PCSK2: variants seen among roughly 807,000 people sequenced by gnomAD.
PCSK2 encodes proprotein convertase subtilisin/kexin type 2, also known as neuroendocrine convertase 2.
PCSK2 carries 14 observed loss-of-function variants against 69.7 expected under a neutral mutation model. That is an observed-to-expected ratio of 0.20 (90% CI 0.13 to 0.31). PCSK2 has a LOEUF of 0.31. Among genes scored for constraint, PCSK2 ranks in the 10% least tolerant of loss-of-function variants. The pLI, the probability that PCSK2 is intolerant of heterozygous loss-of-function variation, is 1.00. For synonymous variants in PCSK2, 307 were observed against 320.7 expected (o/e 0.96, Z 0.46); for missense variants, 544 against 842.5 (o/e 0.65, Z 4.39).
At chr20:17,247,237 A>G (rs564675988) in intron 1 of PCSK2, among the ~76,000 whole-genome samples, 1 of 152,294 alleles carries the variant, frequency 6.6e-6, no homozygotes, top group East Asian at 1.9e-4. Flanking sequence ...CCTGGGCATC[A>G]TGTTCTGCCT....
chr20:17,420,263 T>C (rs1348768832), intron 6 of PCSK2, among the ~76,000 whole-genome samples: 1 of 152,234 alleles, frequency 6.6e-6, no homozygotes, highest in Non-Finnish European at 1.5e-5. Context: ...ACCCTGGTGA[T>C]ACTTAATGGT....
intron 8 of PCSK2, among the ~76,000 whole-genome samples, chr20:17,442,829 T>C (rs1358996352): frequency 1.3e-5 from 2 of 152,198 alleles, no homozygotes; most frequent in Non-Finnish European, 2.9e-5. Context: ...AGCACACCTC[T>C]CGTTAGAGGA....
intron 2 of PCSK2, among the ~76,000 whole-genome samples, chr20:17,352,041 T>G (rs2030005969): frequency 6.6e-6 from 1 of 152,174 alleles, no homozygotes; most frequent in South Asian, 2.1e-4. Flanking sequence ...TCAGTAGCAT[T>G]TCTACACGCC....
At chr20:17,416,195 A>T (rs978286355) in intron 6 of PCSK2, among the ~76,000 whole-genome samples, 3 of 152,232 alleles carry the variant, frequency 2.0e-5, no homozygotes, top group African/African-American at 7.2e-5. Flanking sequence ...TAAACTTAAG[A>T]GCTTCTGCAC....
chr20:17,341,243 T>A (rs1182941327), intron 2 of PCSK2, among the ~76,000 whole-genome samples: 1 of 152,118 alleles, frequency 6.6e-6, no homozygotes, highest in African/African-American at 2.4e-5. Flanking sequence ...GTCTCAAAAA[T>A]AAATAAATAA....
At chr20:17,431,983 G>C (rs898598185) in intron 7 of PCSK2, among the ~76,000 whole-genome samples, 2 of 152,126 alleles carry the variant, frequency 1.3e-5, no homozygotes, top group African/African-American at 4.8e-5. Context: ...CGAGGTGTTC[G>C]TTCGTTACAG....
intron 8 of PCSK2, among the ~76,000 whole-genome samples, chr20:17,451,800 A>T (rs1051635887): frequency 1.3e-5 from 2 of 152,114 alleles, no homozygotes; most frequent in African/African-American, 4.8e-5. Flanking sequence ...CCTTCATTTT[A>T]GCAAACGTTG....
intron 1 of PCSK2, among the ~76,000 whole-genome samples, chr20:17,243,123 A>T (rs1986645015): frequency 6.6e-6 from 1 of 152,190 alleles, no homozygotes. Flanking sequence ...AAAAATTTTT[A>T]AAAAGGAATA....
rs539556697 is a variant in PCSK2, at chr20:17,234,022, G to A, written c.177+6540G>A. 2.6e-5 allele frequency among the ~76,000 whole-genome samples: 4 copies of A among 152,324 alleles called. No homozygotes were observed. In the East Asian group the frequency reaches 7.7e-4, roughly 29 times the overall value. ...GCCCAGGTCCCTGGTCCGTGAATTA[G>A]AAGACCTTATATGAGTGAGAAATAA... On this transcript the variant is annotated intron_variant, in intron 1 of 11. Coordinates refer to ENST00000262545, the MANE Select transcript of PCSK2 (RefSeq NM_002594.5).
At chr20:17,309,015 A>G (rs1011359972) in intron 2 of PCSK2, among the ~76,000 whole-genome samples, 6 of 152,198 alleles carry the variant, frequency 3.9e-5, no homozygotes, top group African/African-American at 1.2e-4. Context: ...CTGACTCTTG[A>G]TGGAAGAATC....
chr20:17,454,117 T>A (rs547760235), intron 9 of PCSK2, among the ~76,000 whole-genome samples, 160 bp downstream of exon 9: 7 of 152,308 alleles, frequency 4.6e-5, no homozygotes, highest in Admixed American at 1.3e-4. Flanking sequence ...CCAGTCCTGC[T>A]TTCTAACAAA....
chr20:17,281,232 C>T (rs1003051003), intron 2 of PCSK2, among the ~76,000 whole-genome samples: 10 of 152,184 alleles, frequency 6.6e-5, no homozygotes, highest in African/African-American at 2.2e-4. Context: ...CCTAACTGTG[C>T]AATGGAATTA....
chr20:17,459,794 C>T (rs1250002095), intron 10 of PCSK2, among the ~76,000 whole-genome samples: 3 of 152,144 alleles, frequency 2.0e-5, no homozygotes. Flanking sequence ...TGCCTGTTCC[C>T]CGGGAATACT....
intron 2 of PCSK2, among the ~76,000 whole-genome samples, chr20:17,287,188 A>G (rs1308586158): frequency 6.6e-6 from 1 of 152,152 alleles, no homozygotes; most frequent in Non-Finnish European, 1.5e-5. Context: ...CAACATCTAA[A>G]CTAGTGTTTG....
intron 10 of PCSK2, chr20:17,463,757 A>C (rs969756105): frequency 1.3e-5 from 2 of 149,076 alleles, no homozygotes; most frequent in South Asian, 4.2e-4. Flanking sequence ...GAAGGTCTGC[A>C]TTCAAGAGCA....
intron 5 of PCSK2, among the ~76,000 whole-genome samples, chr20:17,405,784 T>C (rs573207842): frequency 4.6e-5 from 7 of 152,262 alleles, no homozygotes; most frequent in East Asian, 1.9e-4. Context: ...TGGGTTTTTT[T>C]CCCCTGTGCA....
intron 2 of PCSK2, among the ~76,000 whole-genome samples, chr20:17,327,403 G>A (rs962042046): frequency 6.6e-6 from 1 of 152,126 alleles, no homozygotes; most frequent in Admixed American, 6.5e-5. Context: ...TGCATTTTCC[G>A]AGGGCGCCCG....
At chr20:17,475,774 A>G (rs2033279964) in intron 11 of PCSK2, among the ~76,000 whole-genome samples, 2 of 152,194 alleles carry the variant, frequency 1.3e-5, no homozygotes, top group Admixed American at 6.5e-5. Flanking sequence ...AATAGTGACC[A>G]CTGCACTTGA....
At chr20:17,333,274 G>T (rs556589880) in intron 2 of PCSK2, among the ~76,000 whole-genome samples, 11 of 152,286 alleles carry the variant, frequency 7.2e-5, no homozygotes, top group Admixed American at 6.5e-4. Context: ...TCTGAATGAA[G>T]AGTATGTAGG....
Sources: gnomAD v4.1 joint callset for allele counts (sites outside exome capture counted in the v4.1 genomes callset) on GRCh38, gnomAD v4.1.1 for gene constraint, MANE v1.5 for transcripts, NCBI Gene and HGNC (gene_info 2026-07-23, HGNC 2026-07-21) for gene names.